The following TTC23 variants were observed in gnomAD, a reference collection of about 807,000 sequenced individuals.
The protein encoded by TTC23 is tetratricopeptide repeat domain 23, also known as tetratricopeptide repeat protein 23.
Under a neutral mutation model 55.1 loss-of-function variants are expected in TTC23, and 58 were observed. That is an observed-to-expected ratio of 1.05 (90% CI 0.85 to 1.31). The LOEUF is 1.31. TTC23 is among the 50% of genes most tolerant of loss of function. TTC23 has a pLI of 0.00. For missense variants in TTC23, 516 were observed against 534.4 expected (o/e 0.97, Z 0.34); for synonymous variants, 203 against 199.9 (o/e 1.02, Z -0.13).
intron 4 of TTC23, 24 bp from the exon 5 acceptor site, chr15:99,228,756 G>C: frequency 6.9e-7 from 1 of 1,454,586 alleles, no homozygotes; most frequent in Non-Finnish European, 9.3e-7. Context: ...AAAAAACAAA[G>C]ATGTTAAATG....
intron 12 of TTC23, chr15:99,144,725 T>C (rs2068628728): frequency 6.6e-6 from 1 of 152,220 alleles, no homozygotes; most frequent in Admixed American, 6.5e-5. Flanking sequence ...GCCAGGCTCG[T>C]CAAGCTATTA....
At chr15:99,182,222 A>C (rs2074192767) in intron 9 of TTC23, among the ~76,000 whole-genome samples, 1 of 122,594 alleles carries the variant, frequency 8.2e-6, no homozygotes. Context: ...TTGTTCCAGA[A>C]ATCTCTCTCT....
At chr15:99,150,045 G>T (rs1555496073) in intron 12 of TTC23, among the ~76,000 whole-genome samples, 2 of 152,212 alleles carry the variant, frequency 1.3e-5, no homozygotes, top group African/African-American at 4.8e-5. Context: ...TGAGGAGGGG[G>T]AAGGAAAGCA....
intron 11 of TTC23, chr15:99,157,142 T>TC (rs1257800350): frequency 2.6e-5 from 4 of 151,316 alleles, no homozygotes; most frequent in Non-Finnish European, 5.9e-5. Flanking sequence ...TTTTTTTTTT[T>TC]TTTTTTTTAA....
chr15:99,156,359 C>A, intron 11 of TTC23, 62 bp from the exon 12 acceptor site: 1 of 1,577,910 alleles, frequency 6.3e-7, no homozygotes, highest in Non-Finnish European at 8.6e-7. Context: ...GATCATTACG[C>A]AACTTGTAAC....
At chr15:99,177,893 A>C (rs2151938447) in intron 9 of TTC23, among the ~76,000 whole-genome samples, 1 of 152,300 alleles carries the variant, frequency 6.6e-6, no homozygotes, top group East Asian at 1.9e-4. Context: ...CAAGAAAGTG[A>C]GTCAGGCTGG....
rs542498148 is a variant in TTC23, at chr15:99,191,857, T to C, written c.759+8062A>G. ...AGAAGACAGGAAAATGTGGGAAAGT[T>C]TGGAACTTCCTAGATACTTGTTGAA... On this transcript the variant is annotated intron_variant, in intron 9 of 13. Transcript: ENST00000394132. 7.2e-5 allele frequency among the ~76,000 whole-genome samples: 11 copies of C among 152,224 alleles called. No individual in the cohort carries two copies. The South Asian group carries it at 2.3e-3, about 32-fold the overall frequency.
intron 10 of TTC23, among the ~76,000 whole-genome samples, chr15:99,172,409 T>A (rs909391369): frequency 2.0e-5 from 3 of 152,176 alleles, no homozygotes; most frequent in Non-Finnish European, 4.4e-5. Context: ...GCCTTCCCAT[T>A]GGCACTCCAA....
intron 8 of TTC23, among the ~76,000 whole-genome samples, chr15:99,216,687 T>C (rs2077498827): frequency 6.6e-6 from 1 of 152,204 alleles, no homozygotes; most frequent in African/African-American, 2.4e-5. Flanking sequence ...TAGCACGTTA[T>C]ATGCACCAGG....
chr15:99,210,423 T>C (rs906613086), intron 8 of TTC23, among the ~76,000 whole-genome samples: 46 of 152,068 alleles, frequency 3.0e-4, no homozygotes, highest in Middle Eastern at 3.2e-3. Flanking sequence ...CACAGAAATA[T>C]AGGATTAGGA....
intron 9 of TTC23, among the ~76,000 whole-genome samples, chr15:99,178,318 C>T (rs1208645021): frequency 2.0e-5 from 3 of 152,140 alleles, no homozygotes; most frequent in South Asian, 4.1e-4. Flanking sequence ...ACTTCAGAAA[C>T]TCAATCCCTA....
rs568279619 is a variant in TTC23, at chr15:99,194,547, A to G, written c.759+5372T>C. 2.2e-5 allele frequency among the ~76,000 whole-genome samples: 3 copies of G among 137,844 alleles called. No homozygotes were observed. In the East Asian group the frequency reaches 6.2e-4, roughly 29 times the overall value. The allele number at this position is 137,844 out of a possible 152,430, so 90.4% of individuals were successfully genotyped here. ...AACCGTGCTGGAAAAATTGGACATC[A>G]CGTGCAAAAAAAAAAAAAAAAAAAA... On this transcript the variant is annotated intron_variant, in intron 9 of 13. Coordinates refer to ENST00000394132, the MANE Select transcript of TTC23 (RefSeq NM_001288615.3).
rs956840573 is a variant in TTC23 at position 99,189,014 on chromosome 15, T to C, written c.759+10905A>G. On this transcript the variant is annotated intron_variant, in intron 9 of 13. Coordinates refer to ENST00000394132, the MANE Select transcript of TTC23 (RefSeq NM_001288615.3). ...AGTGGTCCCATGCCTAGGAATTTTC[T>C]CTGAAGATACAACTCCAACAATAAA... 2.0e-5 allele frequency among the ~76,000 whole-genome samples: 3 copies of C among 151,980 alleles called. No individual in the cohort carries two copies. The East Asian group carries it at 5.8e-4, about 29-fold the overall frequency.
intron 10 of TTC23, among the ~76,000 whole-genome samples, chr15:99,173,067 A>G (rs1028063330): frequency 7.9e-5 from 12 of 152,170 alleles, no homozygotes. Context: ...GAATCCCTCT[A>G]GGCAAAAAGA....
intron 8 of TTC23, among the ~76,000 whole-genome samples, chr15:99,215,608 T>C (rs970908227): frequency 3.9e-5 from 6 of 151,956 alleles, no homozygotes; most frequent in African/African-American, 1.5e-4. Context: ...TAGCTGGGTG[T>C]GGTGGCACAC....
In TTC23 at chr15:99,241,978, T is replaced by G. The variant is rs551481210; in HGVS notation, c.-308-419A>C. 2.0e-5 allele frequency among the ~76,000 whole-genome samples: 3 copies of G among 152,124 alleles called. No homozygotes were observed. The East Asian group carries it at 5.8e-4, about 29-fold the overall frequency. On this transcript the variant is annotated intron_variant, in intron 2 of 13. Transcript: ENST00000394132. ...GTCAAAACCCCGTCTCCACTAAAAT[T>G]GCAAAAATTAGCCGAGTGTGGTGGC...
chr15:99,198,564 A>C (rs994687488), intron 9 of TTC23, among the ~76,000 whole-genome samples: 1 of 152,176 alleles, frequency 6.6e-6, no homozygotes, highest in Non-Finnish European at 1.5e-5. Flanking sequence ...TTCTCTACAA[A>C]TCATCCAGAA....
intron 9 of TTC23, among the ~76,000 whole-genome samples, chr15:99,190,353 ACCTCCAC>A (rs1301177157): frequency 6.6e-6 from 1 of 150,630 alleles, no homozygotes; most frequent in Non-Finnish European, 1.5e-5. Flanking sequence ...GCTCACTGCA[ACCTCCAC>A]CTCCTGGGTT....
intron 9 of TTC23, among the ~76,000 whole-genome samples, chr15:99,196,934 T>C (rs1363329269): frequency 3.3e-5 from 5 of 152,204 alleles, no homozygotes; most frequent in Non-Finnish European, 5.9e-5. Context: ...GAGCTTCTTA[T>C]AGCTTCCTGA....
Sources: gnomAD v4.1 joint callset for allele counts (sites outside exome capture counted in the v4.1 genomes callset) on GRCh38, gnomAD v4.1.1 for gene constraint, MANE v1.5 for transcripts, NCBI Gene and HGNC (gene_info 2026-07-23, HGNC 2026-07-21) for gene names.